Variants in SYN3 observed in about 807,000 individuals in gnomAD.
SYN3 encodes the protein synapsin-3.
Under a neutral mutation model 65.8 loss-of-function variants are expected in SYN3, and 35 were observed. The observed-to-expected ratio is 0.53, with a 90% CI of 0.41 to 0.70. The LOEUF (loss-of-function observed/expected upper bound fraction) is 0.70. SYN3 is among the 30% of genes least tolerant of loss of function. The pLI is 0.00. For synonymous variants in SYN3, 270 were observed against 292.9 expected, an observed-to-expected ratio of 0.92 and a Z score of 0.80; for missense variants, 680 against 749.0, an observed-to-expected ratio of 0.91 and a Z score of 1.08.
intron 6 of SYN3, among the ~76,000 whole-genome samples, chr22:32,814,376 A>C (rs1018270602): frequency 1.3e-5 from 2 of 152,030 alleles, no homozygotes; most frequent in Non-Finnish European, 2.9e-5. Context: ...AAAGAAAGAG[A>C]TTGGTTTGAA....
chr22:32,770,111 T>C (rs2045729275), intron 6 of SYN3, among the ~76,000 whole-genome samples: 1 of 152,182 alleles, frequency 6.6e-6, no homozygotes, highest in East Asian at 1.9e-4. Flanking sequence ...CCCCGAAACC[T>C]TGGAGTCACC....
chr22:32,610,914 A>G (rs1259048978), intron 6 of SYN3, among the ~76,000 whole-genome samples: 1 of 152,206 alleles, frequency 6.6e-6, no homozygotes, highest in Non-Finnish European at 1.5e-5. Context: ...ATGTTGTAAC[A>G]TTTATCAGTG....
rs918360688 is a variant in SYN3 at position 32,726,975 on chromosome 22, T to G, written c.712-130239A>C. ...TTGCATTGAAACTGGAATGAAGTTT[T>G]TTTTTTTTTTTCCCCAACTGTTACT... is the stretch of plus-strand genomic sequence containing the variant. On this transcript the variant is annotated intron_variant, in intron 6 of 13. Coordinates refer to ENST00000358763, the MANE Select transcript of SYN3 (RefSeq NM_003490.4). Among the ~76,000 whole-genome samples, 4 of 152,214 alleles carry G rather than the reference T, an allele frequency of 2.6e-5. No homozygotes were observed. The East Asian group carries it at 5.8e-4, about 22-fold the overall frequency.
intron 4 of SYN3, among the ~76,000 whole-genome samples, chr22:32,921,915 C>T (rs2050344291): frequency 6.6e-6 from 1 of 152,098 alleles, no homozygotes; most frequent in Non-Finnish European, 1.5e-5. Context: ...TCTGGGATGT[C>T]CACCAAGGCA....
intron 1 of SYN3, among the ~76,000 whole-genome samples, chr22:33,011,847 G>A (rs1339738712): frequency 6.6e-6 from 1 of 152,008 alleles, no homozygotes; most frequent in Non-Finnish European, 1.5e-5. Context: ...AAACTTACTG[G>A]CATAAAGTTG....
intron 6 of SYN3, among the ~76,000 whole-genome samples, chr22:32,793,414 A>G (rs1294951876): frequency 6.6e-6 from 1 of 152,192 alleles, no homozygotes; most frequent in African/African-American, 2.4e-5. Context: ...CTGAGTTCCT[A>G]AACAACTCCC....
intron 6 of SYN3, among the ~76,000 whole-genome samples, chr22:32,622,390 G>A (rs1314688913): frequency 6.6e-6 from 1 of 152,102 alleles, no homozygotes; most frequent in Non-Finnish European, 1.5e-5. Flanking sequence ...TTCCTTTGAG[G>A]TCGAGCTGCC....
intron 7 of SYN3, among the ~76,000 whole-genome samples, chr22:32,554,823 C>T (rs1437346027): frequency 6.6e-6 from 1 of 152,196 alleles, no homozygotes; most frequent in South Asian, 2.1e-4. Flanking sequence ...AAAAAAAATG[C>T]AAGCTCAAAT....
chr22:32,918,804 C>G (rs2050258192), intron 4 of SYN3, among the ~76,000 whole-genome samples: 1 of 152,174 alleles, frequency 6.6e-6, no homozygotes, highest in Non-Finnish European at 1.5e-5. Context: ...CATACCACAT[C>G]TATGAAGTGA....
chr22:33,029,039 C>CAA (rs1237730746), intron 1 of SYN3, among the ~76,000 whole-genome samples: 2 of 134,346 alleles, frequency 1.5e-5, no homozygotes, highest in African/African-American at 5.4e-5. Flanking sequence ...GACTCTGTCT[C>CAA]AAAAAAAAAA....
chr22:32,868,523 C>G (rs944835571), intron 5 of SYN3, among the ~76,000 whole-genome samples: 2 of 151,954 alleles, frequency 1.3e-5, no homozygotes, highest in African/African-American at 4.8e-5. Context: ...TCACCACAAC[C>G]TCCGCCTCCC....
rs971023703 is a variant in SYN3, at chr22:32,676,167, G to A, written c.712-79431C>T. 1.7e-4 allele frequency among the ~76,000 whole-genome samples: 26 copies of A among 152,304 alleles called. No individual in the cohort carries two copies. In the South Asian group the frequency reaches 5.0e-3, roughly 29 times the overall value. Reference sequence around the variant, plus strand: ...GAGCACGCATATTGAAAGAAATACTGTCTTTCATCAAGCCTCCTGCCTTCA... The same window carrying A: ...GAGCACGCATATTGAAAGAAATACTATCTTTCATCAAGCCTCCTGCCTTCA... On this transcript the variant is annotated intron_variant, in intron 6 of 13. Transcript: ENST00000358763.
intron 2 of SYN3, among the ~76,000 whole-genome samples, chr22:32,994,114 A>G (rs2052807550): frequency 6.6e-6 from 1 of 152,086 alleles, no homozygotes; most frequent in African/African-American, 2.4e-5. Context: ...GAGAGGGGTC[A>G]GCACTTGAAA....
At chr22:32,865,988 G>C (rs1282614165) in intron 5 of SYN3, among the ~76,000 whole-genome samples, 1 of 152,186 alleles carries the variant, frequency 6.6e-6, no homozygotes, top group East Asian at 1.9e-4. Flanking sequence ...CAGCTGCCAT[G>C]CTGTGGCGTC....
At chr22:32,987,120 T>G (rs776506081) in intron 2 of SYN3, among the ~76,000 whole-genome samples, 1 of 152,072 alleles carries the variant, frequency 6.6e-6, no homozygotes, top group Non-Finnish European at 1.5e-5. Flanking sequence ...CTTGGTGATG[T>G]CCTTCCAAGG....
chr22:32,825,569 A>G (rs2047378532), intron 6 of SYN3, among the ~76,000 whole-genome samples: 1 of 147,058 alleles, frequency 6.8e-6, no homozygotes, highest in African/African-American at 2.5e-5. Flanking sequence ...TGAGGCAGAG[A>G]ATCACTTGAA....
At chr22:32,536,909 G>A (rs537613362) in intron 9 of SYN3, among the ~76,000 whole-genome samples, 4 of 152,184 alleles carry the variant, frequency 2.6e-5, no homozygotes, top group African/African-American at 9.6e-5. Flanking sequence ...AATTTGGTTT[G>A]TGTGGTAGCC....
At chr22:32,843,081 A>T (rs1339626027) in intron 6 of SYN3, among the ~76,000 whole-genome samples, 5 of 146,136 alleles carry the variant, frequency 3.4e-5, no homozygotes, top group Admixed American at 6.8e-5. Context: ...GGGACCTCCC[A>T]TTTTTTTTTT....
At chr22:32,872,264 T>G (rs558685855) in intron 4 of SYN3, among the ~76,000 whole-genome samples, 1 of 152,300 alleles carries the variant, frequency 6.6e-6, no homozygotes, top group East Asian at 1.9e-4. Flanking sequence ...TTTAAATAAA[T>G]GATTGCATGA....
Sources: gnomAD v4.1 joint callset for allele counts (sites outside exome capture counted in the v4.1 genomes callset) on GRCh38, gnomAD v4.1.1 for gene constraint, MANE v1.5 for transcripts, NCBI Gene and HGNC (gene_info 2026-07-23, HGNC 2026-07-21) for gene names.